The following DLGAP4 variants were observed in gnomAD, a reference collection of about 807,000 sequenced individuals.
DLGAP4 encodes DLG associated protein 4, also known as disks large-associated protein 4.
DLGAP4 carries 18 observed loss-of-function variants against 86.9 expected under a neutral mutation model. The ratio of observed to expected loss-of-function variants is 0.21; its 90% CI spans 0.14 to 0.31. The LOEUF (loss-of-function observed/expected upper bound fraction) is 0.31, where lower values mean the gene tolerates loss of function less well. Among genes scored for constraint, DLGAP4 ranks in the 10% least tolerant of loss-of-function variants. The pLI is 1.00. For missense variants in DLGAP4, 1,085 were observed against 1,362.6 expected (o/e 0.80, Z 3.21); for synonymous variants, 548 against 574.3 (o/e 0.95, Z 0.65).
Position 36,443,537 on chromosome 20 carries a change from A to G in DLGAP4, c.1407+760A>G, listed in dbSNP as rs2033508652. ...GATGCCCCATGTGTCCCTCTCCCCCATGTCACAGAAGCTGTGTGTTCCTCC... is the reference window on the plus strand; with the variant it reads ...GATGCCCCATGTGTCCCTCTCCCCCGTGTCACAGAAGCTGTGTGTTCCTCC... On this transcript the variant is annotated intron_variant, in intron 6 of 12. Transcript: ENST00000339266. Among the ~76,000 whole-genome samples the G allele has an allele frequency of 2.0e-5, 3 of 152,080 alleles. No homozygotes were observed. The South Asian group carries it at 6.2e-4, about 32-fold the overall frequency.
At chr20:36,368,898 G>A (rs4530425) in intron 2 of DLGAP4, among the ~76,000 whole-genome samples, 18,833 of 152,220 alleles carry the variant, frequency 0.12, 1,295 homozygotes, top group East Asian at 0.26. Flanking sequence ...ACTTAGGGGT[G>A]AGGGCTCATC....
chr20:36,396,422 C>CACCACATACACACACACAT (rs2031975108), intron 2 of DLGAP4, among the ~76,000 whole-genome samples: 1 of 116,250 alleles, frequency 8.6e-6, no homozygotes, highest in Non-Finnish European at 1.7e-5. Context: ...CACACACACA[C>CACCACATACACACACACAT]ACCACATACA....
chr20:36,336,021 G>T (rs1398632047), intron 1 of DLGAP4, among the ~76,000 whole-genome samples: 1 of 152,120 alleles, frequency 6.6e-6, no homozygotes, highest in Non-Finnish European at 1.5e-5. Context: ...TGTGGCCAGG[G>T]CCCTCCTCCC....
chr20:36,450,946 C>T (rs1600547562), intron 7 of DLGAP4, among the ~76,000 whole-genome samples: 1 of 152,204 alleles, frequency 6.6e-6, no homozygotes, highest in East Asian at 1.9e-4. Context: ...CTGTTCTCCA[C>T]AGCTCTTGGT....
chr20:36,380,903 G>T (rs1296965926), intron 2 of DLGAP4, among the ~76,000 whole-genome samples: 1 of 152,156 alleles, frequency 6.6e-6, no homozygotes, highest in Non-Finnish European at 1.5e-5. Flanking sequence ...CCACTTTGTG[G>T]ATTTTTGCCT....
At chr20:36,481,071 A>T (rs1002788795) in intron 7 of DLGAP4, among the ~76,000 whole-genome samples, 1 of 152,154 alleles carries the variant, frequency 6.6e-6, no homozygotes, top group African/African-American at 2.4e-5. Flanking sequence ...CCAGAACTGG[A>T]TGTAAAGTAG....
chr20:36,387,413 T>G (rs1485552358), intron 2 of DLGAP4, among the ~76,000 whole-genome samples: 1 of 152,234 alleles, frequency 6.6e-6, no homozygotes. Flanking sequence ...ATATTAATCC[T>G]TGTTATCTTT....
chr20:36,499,987 G>A (rs575618034), intron 9 of DLGAP4, among the ~76,000 whole-genome samples: 12 of 151,670 alleles, frequency 7.9e-5, no homozygotes, highest in Non-Finnish European at 1.0e-4. Flanking sequence ...CCTTGTCCTC[G>A]TGTGTGTGTG....
intron 1 of DLGAP4, among the ~76,000 whole-genome samples, chr20:36,330,448 G>A (rs926450365): frequency 6.6e-6 from 1 of 152,110 alleles, no homozygotes; most frequent in East Asian, 1.9e-4. Flanking sequence ...ACTCTCCGTG[G>A]GACCTCAGCT....
intron 10 of DLGAP4, among the ~76,000 whole-genome samples, chr20:36,504,251 C>A: frequency 6.6e-6 from 1 of 152,278 alleles, no homozygotes; most frequent in African/African-American, 2.4e-5. Flanking sequence ...CCCCATTATC[C>A]CCTCTGCCTA....
chr20:36,457,460 C>T (rs1330774233), intron 7 of DLGAP4, among the ~76,000 whole-genome samples: 9 of 150,286 alleles, frequency 6.0e-5, no homozygotes, highest in Non-Finnish European at 1.2e-4. Context: ...CTGCAATGTC[C>T]GCCTCCCTGG....
intron 7 of DLGAP4, chr20:36,461,664 CCCGGCCCGGCCCG>C: frequency 6.3e-6 from 1 of 157,806 alleles, no homozygotes; most frequent in Non-Finnish European, 1.1e-5. Context: ...GGCCGCCCCG[CCCGGCCCGGCCCG>C]GCCCTGCCCC....
rs762577016 is a variant in DLGAP4, at chr20:36,431,842, G to C, written c.125G>C (p.Arg42Pro). ...YLLSPTEAFAREARFPGQNTL... is the reference protein window; with the variant it reads ...YLLSPTEAFAPEARFPGQNTL... The stretch of plus-strand genomic sequence containing the variant: ...CTGTCGCCCACGGAGGCCTTCGCCC[G>C]CGAGGCCCGCTTCCCCGGGCAGAAC... The change falls in exon 3 of 13, where the codon CGC becomes CCC. Residue 42 changes from arginine to proline, a missense_variant. Physicochemically the swap from Arg to Pro is moderately radical, Grantham distance 103. Transcript: ENST00000339266. The surrounding 1 kb of genome is among the most constrained non-coding windows in gnomAD (Gnocchi z 5.1). 1.2e-6 allele frequency: 2 copies of C among 1,613,874 alleles called. No homozygotes were observed. Among genetic ancestry groups the C allele is most frequent in the Non-Finnish European group, 1.7e-6 (2 of 1,179,934 alleles).
Position 36,439,484 on chromosome 20 carries a change from C to T in DLGAP4, c.1242-270C>T, listed in dbSNP as rs550505251. 3.3e-5 allele frequency among the ~76,000 whole-genome samples: 5 copies of T among 152,318 alleles called. No individual in the cohort carries two copies. The South Asian group carries it at 1.0e-3, about 32-fold the overall frequency. On this transcript the variant is annotated intron_variant, in intron 4 of 12. Coordinates refer to ENST00000339266, the MANE Select transcript of DLGAP4 (RefSeq NM_001365621.2). The stretch of plus-strand genomic sequence containing the variant: ...CGAACATCGCAGCAGAGCTGATGCC[C>T]TTTGGGAGCCCTAGGCTGTGGAACT...
intron 2 of DLGAP4, among the ~76,000 whole-genome samples, chr20:36,412,478 A>G (rs2032526585): frequency 6.6e-6 from 1 of 152,256 alleles, no homozygotes. Flanking sequence ...GAAGCAGCAC[A>G]GGAAGCTCAT....
chr20:36,451,039 C>T (rs879518369), intron 7 of DLGAP4, among the ~76,000 whole-genome samples: 12 of 152,180 alleles, frequency 7.9e-5, no homozygotes, highest in East Asian at 1.9e-4. Context: ...CCTTGGGGAA[C>T]GGAACACCTT....
intron 3 of DLGAP4, among the ~76,000 whole-genome samples, chr20:36,433,297 C>G (rs911391042): frequency 6.6e-6 from 1 of 152,240 alleles, no homozygotes; most frequent in African/African-American, 2.4e-5. Context: ...TGATGGGGAT[C>G]AGCACCAAGA....
chr20:36,334,134 C>G (rs1185674565), intron 1 of DLGAP4, among the ~76,000 whole-genome samples: 1 of 152,216 alleles, frequency 6.6e-6, no homozygotes, highest in Admixed American at 6.5e-5. Flanking sequence ...CAGACCCAGC[C>G]CCTGGCCTCC....
intron 10 of DLGAP4, among the ~76,000 whole-genome samples, chr20:36,505,148 T>C (rs2036307407): frequency 6.6e-6 from 1 of 152,024 alleles, no homozygotes; most frequent in Admixed American, 6.6e-5. Flanking sequence ...CCACCATGCC[T>C]GGCTAATTTT....
Sources: gnomAD v4.1 joint callset for allele counts (sites outside exome capture counted in the v4.1 genomes callset) on GRCh38, gnomAD v4.1.1 for gene constraint, Gnocchi (gnomAD v3.1) non-coding constraint, MANE v1.5 for transcripts, NCBI Gene and HGNC (gene_info 2026-07-23, HGNC 2026-07-21) for gene names.